TBC1D22A: variants seen among roughly 807,000 people sequenced by gnomAD.
The protein encoded by TBC1D22A is putative GTPase activator.
In TBC1D22A, 38 loss-of-function variants were observed where a neutral mutation model predicts 60.2. The ratio of observed to expected loss-of-function variants is 0.63; its 90% confidence interval spans 0.49 to 0.83. TBC1D22A has a LOEUF of 0.83. TBC1D22A is among the 40% of genes least tolerant of loss of function. The pLI, the probability that TBC1D22A is intolerant of heterozygous loss-of-function variation, is 0.00. For missense variants in TBC1D22A, 628 were observed against 701.0 expected (o/e 0.90, Z 1.18); for synonymous variants, 302 against 281.7 (o/e 1.07, Z -0.72).
At chr22:46,939,809 C>T (rs924510651) in intron 8 of TBC1D22A, among the ~76,000 whole-genome samples, 4 of 152,138 alleles carry the variant, frequency 2.6e-5, no homozygotes, top group African/African-American at 7.2e-5. Context: ...ATCACCGTTG[C>T]GTTTCAACAA....
intron 12 of TBC1D22A, among the ~76,000 whole-genome samples, chr22:47,152,375 C>G (rs1270609106): frequency 2.0e-5 from 3 of 152,186 alleles, no homozygotes; most frequent in Non-Finnish European, 4.4e-5. Flanking sequence ...CGTGTCAGAT[C>G]AGCGCAAGCT....
chr22:47,043,071 C>T (rs534404769), intron 11 of TBC1D22A, among the ~76,000 whole-genome samples: 6 of 152,344 alleles, frequency 3.9e-5, no homozygotes, highest in South Asian at 2.1e-4. Flanking sequence ...GGCATAGCAA[C>T]GGGAAAGGTG....
rs2068771557 is a variant in TBC1D22A at position 46,897,904 on chromosome 22, G to C, written c.900+3058G>C. Among the ~76,000 whole-genome samples, 3 of 90,522 alleles carry C rather than the reference G, an allele frequency of 3.3e-5. No individual in the cohort carries two copies. In the South Asian group the frequency reaches 9.0e-4, roughly 27 times the overall value. 59.4% of individuals were successfully genotyped at this position (90,522 alleles called of 152,430 possible). On this transcript the variant is annotated intron_variant, in intron 7 of 12. Coordinates refer to ENST00000337137, the MANE Select transcript of TBC1D22A (RefSeq NM_014346.5). Reference sequence around the variant, plus strand: ...CATTTCTTGTCTGTGCAGTAAATCTGTTAAAAAAAAACTTTAGGATTGTTA... The same window carrying C: ...CATTTCTTGTCTGTGCAGTAAATCTCTTAAAAAAAAACTTTAGGATTGTTA...
intron 12 of TBC1D22A, among the ~76,000 whole-genome samples, chr22:47,147,652 C>T (rs2067335801): frequency 1.3e-5 from 2 of 152,230 alleles, no homozygotes; most frequent in South Asian, 4.1e-4. Context: ...AGAGCATTTG[C>T]GTTTCTGGCA....
chr22:47,074,099 C>T (rs1463910280), intron 11 of TBC1D22A, among the ~76,000 whole-genome samples: 2 of 152,198 alleles, frequency 1.3e-5, no homozygotes, highest in Non-Finnish European at 2.9e-5. Flanking sequence ...CAGTGAGACC[C>T]AGTCTCAAAA....
At chr22:47,025,564 C>T (rs1187244411) in intron 10 of TBC1D22A, among the ~76,000 whole-genome samples, 1 of 152,088 alleles carries the variant, frequency 6.6e-6, no homozygotes, top group African/African-American at 2.4e-5. Context: ...CAATAAAATC[C>T]AACACTTCAA....
intron 7 of TBC1D22A, among the ~76,000 whole-genome samples, chr22:46,909,611 G>A (rs1181198973): frequency 6.6e-6 from 1 of 152,118 alleles, no homozygotes; most frequent in Non-Finnish European, 1.5e-5. Flanking sequence ...GCCAGCTTCC[G>A]TGGAGTCACC....
chr22:46,801,537 A>G (rs1367878523), intron 4 of TBC1D22A, among the ~76,000 whole-genome samples: 1 of 152,266 alleles, frequency 6.6e-6, no homozygotes, highest in East Asian at 1.9e-4. Context: ...ATTTACTCAC[A>G]CAAAGACTGC....
In TBC1D22A at chr22:47,097,108, C is replaced by A. The variant is rs1383793706; in HGVS notation, c.1330-14400C>A. Among the ~76,000 whole-genome samples, 3 of 152,322 alleles carry A rather than the reference C, an allele frequency of 2.0e-5. No homozygotes were observed. In the East Asian group the frequency reaches 5.8e-4, roughly 29 times the overall value. On this transcript the variant is annotated intron_variant, in intron 11 of 12. Transcript: ENST00000337137. Reference sequence around the variant, plus strand: ...CATGAGTATGGGCGTGGCCCCGTGTCCTCTGTTCCACTGCTCTTTCTGTCC... The same window carrying A: ...CATGAGTATGGGCGTGGCCCCGTGTACTCTGTTCCACTGCTCTTTCTGTCC...
At chr22:46,930,070 C>G (rs991448016) in intron 8 of TBC1D22A, among the ~76,000 whole-genome samples, 3 of 152,090 alleles carry the variant, frequency 2.0e-5, no homozygotes, top group South Asian at 2.1e-4. Flanking sequence ...GATGTGGAAC[C>G]TGTATATTGT....
Position 47,146,497 on chromosome 22 carries a change from T to C in TBC1D22A, c.1426-27001T>C, listed in dbSNP as rs191298544. ...TCCTTTGGGCCAGGCCAAGAAAGCA[T>C]TGGCAACTGTTATCTCTAATGTCCT... On this transcript the variant is annotated intron_variant, in intron 12 of 12. Transcript: ENST00000337137. Among the ~76,000 whole-genome samples the C allele has an allele frequency of 3.7e-3, 571 of 152,300 alleles. 5 individuals are homozygous for C. Among genetic ancestry groups the C allele is most frequent in the African/African-American group, 0.013 (544 of 41,544 alleles).
At position 46,790,488 on chromosome 22, in the gene TBC1D22A, C is replaced by T. The variant is rs975550268; in HGVS notation, c.63-2032C>T. 3.9e-5 allele frequency among the ~76,000 whole-genome samples: 6 copies of T among 152,250 alleles called. No homozygotes were observed. The East Asian group carries it at 5.8e-4, about 15-fold the overall frequency. ...GGATGTGGACGTCTTGGGTGGGGGC[C>T]GTTATTCTGCTGACCACACCACCAG... On this transcript the variant is annotated intron_variant, in intron 1 of 12. Transcript: ENST00000337137.
At chr22:47,157,164 C>CT (rs2067755360) in intron 12 of TBC1D22A, among the ~76,000 whole-genome samples, 1 of 152,208 alleles carries the variant, frequency 6.6e-6, no homozygotes. Flanking sequence ...TGGCTCTTTT[C>CT]ACGTAGGAAT....
At chr22:47,086,023 G>C (rs1177908969) in intron 11 of TBC1D22A, among the ~76,000 whole-genome samples, 1 of 152,254 alleles carries the variant, frequency 6.6e-6, no homozygotes, top group African/African-American at 2.4e-5. Flanking sequence ...AAGCATGCCA[G>C]TGCCCACTAG....
chr22:47,120,776 C>T (rs983822318), intron 12 of TBC1D22A, among the ~76,000 whole-genome samples: 8 of 152,218 alleles, frequency 5.3e-5, no homozygotes, highest in Non-Finnish European at 1.2e-4. Context: ...CTGACCCCAG[C>T]TCACCCTTTC....
rs1201104458 is a variant in TBC1D22A at position 47,111,364 on chromosome 22, G to A, written c.1330-144G>A. 4 of 647,276 alleles carry A rather than the reference G, an allele frequency of 6.2e-6. No homozygotes were observed. In the African/African-American group the frequency reaches 7.3e-5, roughly 12 times the overall value. 40.1% of individuals were successfully genotyped at this position (647,276 alleles called of 1,614,324 possible). ...AATGGAATGAGGATTTTGAAATTAAGGCATTAAGTAAAAGTGAGTCAACAC... is the reference window on the plus strand; with the variant it reads ...AATGGAATGAGGATTTTGAAATTAAAGCATTAAGTAAAAGTGAGTCAACAC... On this transcript the variant is annotated intron_variant, in intron 11 of 12. Coordinates refer to ENST00000337137, the MANE Select transcript of TBC1D22A (RefSeq NM_014346.5).
At chr22:47,025,035 A>G (rs988665154) in intron 10 of TBC1D22A, among the ~76,000 whole-genome samples, 4 of 152,246 alleles carry the variant, frequency 2.6e-5, no homozygotes, top group African/African-American at 9.6e-5. Context: ...ATCATTTCAT[A>G]TGATAGAGTG....
At chr22:46,795,097 G>A (rs2084594912) in intron 3 of TBC1D22A, among the ~76,000 whole-genome samples, 1 of 152,232 alleles carries the variant, frequency 6.6e-6, no homozygotes, top group Admixed American at 6.5e-5. Flanking sequence ...TTTTTGGAGT[G>A]TAATAAATTT....
chr22:47,082,646 A>G (rs911381527), intron 11 of TBC1D22A, among the ~76,000 whole-genome samples: 2 of 152,240 alleles, frequency 1.3e-5, no homozygotes, highest in Non-Finnish European at 2.9e-5. Flanking sequence ...CTTATTAGTC[A>G]TCAAGGAAAT....
Sources: allele counts gnomAD v4.1 joint callset (sites outside exome capture counted in the v4.1 genomes callset), GRCh38; gene constraint gnomAD v4.1.1; transcripts MANE v1.5; gene names NCBI Gene and HGNC (gene_info 2026-07-23, HGNC 2026-07-21).